The following MECOM variants were observed in gnomAD, a reference collection of about 807,000 sequenced individuals.
The protein encoded by MECOM is histone-lysine N-methyltransferase MECOM.
MECOM carries 13 observed loss-of-function variants against 116.3 expected under a neutral mutation model. That is an observed-to-expected ratio of 0.11 (90% confidence interval 0.07 to 0.18). The LOEUF is 0.18. Among genes scored for constraint, MECOM ranks in the 10% least tolerant of loss-of-function variants. The pLI, the probability that MECOM is intolerant of heterozygous loss-of-function variation, is 1.00. For missense variants in MECOM, 1,299 were observed against 1,509.0 expected, an observed-to-expected ratio of 0.86 and a Z score of 2.31; for synonymous variants, 528 against 535.2, an observed-to-expected ratio of 0.99 and a Z score of 0.19.
chr3:169,445,500 T>C lies in MECOM; in HGVS notation c.38-63976A>G, dbSNP rs752598047. ...ACCTCTGCCTAGATTTTAGAAGACG[T>C]ATGGAAATGCCTGGATGCCCAGGCA... is the stretch of plus-strand genomic sequence containing the variant. On this transcript the variant is annotated intron_variant, in intron 1 of 16. Coordinates refer to ENST00000651503, the MANE Select transcript of MECOM (RefSeq NM_004991.4). Among the ~76,000 whole-genome samples, 4 of 152,148 alleles carry C rather than the reference T, an allele frequency of 2.6e-5. No homozygotes were observed. In the East Asian group the frequency reaches 5.8e-4, roughly 22 times the overall value.
intron 1 of MECOM, among the ~76,000 whole-genome samples, chr3:169,470,858 A>G (rs1014097957): frequency 1.3e-5 from 2 of 152,234 alleles, no homozygotes; most frequent in African/African-American, 2.4e-5. Flanking sequence ...GATAGATTCA[A>G]ATAGCTAGAG....
chr3:169,236,541 C>T (rs377016730), intron 2 of MECOM, among the ~76,000 whole-genome samples: 1 of 152,136 alleles, frequency 6.6e-6, no homozygotes, highest in Admixed American at 6.5e-5. Flanking sequence ...TTTAACACCT[C>T]ACATGATCTG....
intron 1 of MECOM, among the ~76,000 whole-genome samples, chr3:169,472,000 G>A (rs946120416): frequency 1.3e-5 from 2 of 151,886 alleles, no homozygotes; most frequent in African/African-American, 4.8e-5. Flanking sequence ...CATGTTGTCT[G>A]GAATTCTAAA....
intron 2 of MECOM, among the ~76,000 whole-genome samples, chr3:169,318,621 G>A (rs190462508): frequency 6.6e-6 from 1 of 152,322 alleles, no homozygotes; most frequent in East Asian, 1.9e-4. Flanking sequence ...GGAAACGACA[G>A]ATGCTGGAGA....
At chr3:169,179,516 G>A (rs751003818) in intron 2 of MECOM, among the ~76,000 whole-genome samples, 7 of 152,146 alleles carry the variant, frequency 4.6e-5, no homozygotes, top group African/African-American at 7.2e-5. Flanking sequence ...GAAAAAGCTC[G>A]TTGACCTCTA....
At chr3:169,274,303 T>C (rs1759327670) in intron 2 of MECOM, among the ~76,000 whole-genome samples, 3 of 152,150 alleles carry the variant, frequency 2.0e-5, no homozygotes, top group Admixed American at 6.5e-5. Context: ...CAATAAACAT[T>C]CACTTGTTTT....
chr3:169,164,956 T>A (rs965771799), intron 2 of MECOM, among the ~76,000 whole-genome samples: 4 of 152,208 alleles, frequency 2.6e-5, no homozygotes, highest in Admixed American at 2.0e-4. Flanking sequence ...ATTCCTTGTC[T>A]GAGCTACATT....
intron 1 of MECOM, among the ~76,000 whole-genome samples, chr3:169,394,807 T>C (rs1734768108): frequency 1.3e-5 from 2 of 152,190 alleles, no homozygotes; most frequent in African/African-American, 4.8e-5. Flanking sequence ...TTACAGGTCA[T>C]TAATTTGCAT....
intron 2 of MECOM, among the ~76,000 whole-genome samples, chr3:169,339,718 C>T (rs1198097578): frequency 6.6e-6 from 1 of 151,896 alleles, no homozygotes; most frequent in African/African-American, 2.4e-5. Flanking sequence ...AGATGAGCTA[C>T]AGGATGGGGG....
At position 169,273,636 on chromosome 3, in the gene MECOM, G is replaced by A. The variant is rs183289642; in HGVS notation, c.375+107551C>T. Among the ~76,000 whole-genome samples, 5 of 152,232 alleles carry A rather than the reference G, an allele frequency of 3.3e-5. No individual in the cohort carries two copies. In the East Asian group the frequency reaches 5.8e-4, roughly 18 times the overall value. On this transcript the variant is annotated intron_variant, in intron 2 of 16. Coordinates refer to ENST00000651503, the MANE Select transcript of MECOM (RefSeq NM_004991.4). ...TCTCTATAGCAGTTTTATCTTAGGC[G>A]GTGTGTGTGAAGACTAGGGTGTATG...
intron 1 of MECOM, among the ~76,000 whole-genome samples, chr3:169,655,920 G>C (rs1047833437): frequency 1.3e-5 from 2 of 152,308 alleles, no homozygotes; most frequent in Non-Finnish European, 2.9e-5. Context: ...AGCAGCCCAA[G>C]GAGGGTAGTA....
intron 1 of MECOM, among the ~76,000 whole-genome samples, chr3:169,592,991 T>C (rs888961477): frequency 6.6e-6 from 1 of 152,244 alleles, no homozygotes; most frequent in Non-Finnish European, 1.5e-5. Context: ...ATGAGATACA[T>C]ATGCCTTCAT....
chr3:169,663,004 C>T (rs1407832368), intron 1 of MECOM, among the ~76,000 whole-genome samples: 1 of 146,238 alleles, frequency 6.8e-6, no homozygotes, highest in Non-Finnish European at 1.5e-5. Context: ...CCCCACCCCA[C>T]CCCTTCGCGC....
intron 2 of MECOM, among the ~76,000 whole-genome samples, chr3:169,287,652 TC>T (rs1157190949): frequency 1.3e-5 from 2 of 152,210 alleles, no homozygotes; most frequent in Non-Finnish European, 2.9e-5. Context: ...TTCATTTTTT[TC>T]ATTCCTAATT....
intron 3 of MECOM, among the ~76,000 whole-genome samples, chr3:169,138,061 G>T (rs767113273): frequency 6.6e-6 from 1 of 152,050 alleles, no homozygotes; most frequent in South Asian, 2.1e-4. Context: ...AAGCTAAAAA[G>T]ATCATCTTTG....
At chr3:169,174,812 A>T (rs1456186393) in intron 2 of MECOM, among the ~76,000 whole-genome samples, 3 of 152,148 alleles carry the variant, frequency 2.0e-5, no homozygotes, top group Non-Finnish European at 4.4e-5. Context: ...TCTGCTTCCT[A>T]GGGATTTATG....
chr3:169,475,134 T>G (rs1468274231), intron 1 of MECOM, among the ~76,000 whole-genome samples: 1 of 152,170 alleles, frequency 6.6e-6, no homozygotes, highest in African/African-American at 2.4e-5. Flanking sequence ...CAAATGCACA[T>G]ACAAATCACT....
intron 2 of MECOM, among the ~76,000 whole-genome samples, chr3:169,359,931 T>C (rs1034876253): frequency 6.6e-6 from 1 of 151,734 alleles, no homozygotes; most frequent in Non-Finnish European, 1.5e-5. Context: ...ATTTAGTTCA[T>C]ACTGCAGATG....
chr3:169,242,496 G>C lies in MECOM; in HGVS notation c.376-98664C>G, dbSNP rs1188017346. Among the ~76,000 whole-genome samples, 4 of 152,138 alleles carry C rather than the reference G, an allele frequency of 2.6e-5. No individual in the cohort carries two copies. The East Asian group carries it at 7.7e-4, about 29-fold the overall frequency. On this transcript the variant is annotated intron_variant, in intron 2 of 16. Coordinates refer to ENST00000651503, the MANE Select transcript of MECOM (RefSeq NM_004991.4). The stretch of plus-strand genomic sequence containing the variant: ...CCTGCTATTCTCCAAGGAGCCGGCT[G>C]CTGGAAGACTGCTCCGAACCTCATC...
Sources: allele counts gnomAD v4.1 joint callset (sites outside exome capture counted in the v4.1 genomes callset), GRCh38; gene constraint gnomAD v4.1.1; transcripts MANE v1.5; gene names NCBI Gene and HGNC (gene_info 2026-07-23, HGNC 2026-07-21).